The following THEMIS variants were observed in gnomAD, a reference collection of about 807,000 sequenced individuals.
THEMIS encodes the protein thymocyte selection associated.
Under a neutral mutation model 52.6 loss-of-function variants are expected in THEMIS, and 37 were observed. The observed-to-expected ratio is 0.70, with a 90% CI of 0.54 to 0.93. The LOEUF (loss-of-function observed/expected upper bound fraction) is 0.93, where lower values mean the gene tolerates loss of function less well. Ranked by LOEUF, THEMIS falls within the 40% of genes least tolerant of loss-of-function variation. The pLI, the probability that THEMIS is intolerant of heterozygous loss-of-function variation, is 0.00. For synonymous variants in THEMIS, 292 were observed against 272.7 expected (o/e 1.07, Z -0.70); for missense variants, 808 against 763.1 (o/e 1.06, Z -0.69).
intron 4 of THEMIS, among the ~76,000 whole-genome samples, chr6:127,806,231 C>A (rs1354083529): frequency 6.6e-6 from 1 of 152,094 alleles, no homozygotes; most frequent in Non-Finnish European, 1.5e-5. Context: ...GGCCAGAAAT[C>A]TAGTGCAAAA....
chr6:127,747,443 A>T (rs1366619221), intron 4 of THEMIS, among the ~76,000 whole-genome samples: 2 of 148,622 alleles, frequency 1.3e-5, no homozygotes, highest in Non-Finnish European at 3.0e-5. Flanking sequence ...TATTTACAAC[A>T]TATCTATAAA....
intron 3 of THEMIS, among the ~76,000 whole-genome samples, chr6:127,824,489 C>A (rs1778437486): frequency 6.6e-6 from 1 of 151,926 alleles, no homozygotes; most frequent in African/African-American, 2.4e-5. Flanking sequence ...AGAAACAGTG[C>A]CTTACTTGTA....
At chr6:127,704,605 C>T (rs968070609), downstream of THEMIS, among the ~76,000 whole-genome samples, 1 of 152,180 alleles carries the variant, frequency 6.6e-6, no homozygotes, top group African/African-American at 2.4e-5. Context: ...ATTGTATAAT[C>T]ATATGACTGA....
chr6:127,718,799 A>G (rs1277290851), intron 5 of THEMIS, among the ~76,000 whole-genome samples: 1 of 151,908 alleles, frequency 6.6e-6, no homozygotes. Flanking sequence ...AAAAGGTAAT[A>G]AGAAAAGCTC....
chr6:127,739,149 G>T (rs1466509075), intron 4 of THEMIS, among the ~76,000 whole-genome samples: 1 of 151,934 alleles, frequency 6.6e-6, no homozygotes, highest in Non-Finnish European at 1.5e-5. Flanking sequence ...ACCACTCCAT[G>T]ACAAACACCC....
intron 4 of THEMIS, among the ~76,000 whole-genome samples, chr6:127,806,487 C>T (rs1455056992): frequency 3.3e-5 from 5 of 151,996 alleles, no homozygotes; most frequent in Non-Finnish European, 7.4e-5. Flanking sequence ...TCAGAGAGGG[C>T]CAAAATTTTA....
intron 2 of THEMIS, among the ~76,000 whole-genome samples, chr6:127,854,442 T>C (rs919598624): frequency 6.6e-6 from 1 of 151,736 alleles, no homozygotes; most frequent in African/African-American, 2.4e-5. Flanking sequence ...TCCAGTGAGG[T>C]GTATGTTATG....
At chr6:127,736,566 C>A (rs1775013241) in intron 4 of THEMIS, among the ~76,000 whole-genome samples, 1 of 152,114 alleles carries the variant, frequency 6.6e-6, no homozygotes, top group African/African-American at 2.4e-5. Flanking sequence ...CTAGCATTAT[C>A]ATTTGCCAAG....
rs1780128265 is a variant in THEMIS at position 127,870,597 on chromosome 6, C to G, written c.92-15409G>C. Among the ~76,000 whole-genome samples the G allele has an allele frequency of 2.0e-5, 3 of 151,940 alleles. No individual in the cohort carries two copies. In the South Asian group the frequency reaches 6.2e-4, roughly 32 times the overall value. On this transcript the variant is annotated intron_variant, in intron 1 of 5. Coordinates refer to ENST00000368248, the MANE Select transcript of THEMIS (RefSeq NM_001010923.3). Reference sequence around the variant, plus strand: ...AACATAACCCAAAGACATGCTATGACTCACTTCAAATGAAATAGGTAGATT... The same window carrying G: ...AACATAACCCAAAGACATGCTATGAGTCACTTCAAATGAAATAGGTAGATT...
intron 1 of THEMIS, among the ~76,000 whole-genome samples, chr6:127,916,990 A>G (rs956690913): frequency 2.0e-5 from 3 of 152,250 alleles, no homozygotes; most frequent in African/African-American, 7.2e-5. Context: ...AAACTTCAAG[A>G]TTAGGACTAG....
intron 1 of THEMIS, among the ~76,000 whole-genome samples, chr6:127,864,624 G>C (rs1281687512): frequency 6.6e-6 from 1 of 152,088 alleles, no homozygotes; most frequent in Non-Finnish European, 1.5e-5. Context: ...TCAGATTCAG[G>C]AAGCGGTCAC....
At chr6:127,798,815 C>T (rs1360106352) in intron 4 of THEMIS, among the ~76,000 whole-genome samples, 1 of 151,436 alleles carries the variant, frequency 6.6e-6, no homozygotes, top group Non-Finnish European at 1.5e-5. Context: ...ACGGTGAAAC[C>T]CTGTCTCTAC....
chr6:127,843,613 G>T (rs1307795977), intron 2 of THEMIS, among the ~76,000 whole-genome samples: 10 of 151,968 alleles, frequency 6.6e-5, no homozygotes, highest in Admixed American at 6.6e-4. Flanking sequence ...AAAGATATCT[G>T]TGCTAGGTAG....
At chr6:127,834,174 G>A (rs1048641347) in intron 2 of THEMIS, among the ~76,000 whole-genome samples, 5 of 152,104 alleles carry the variant, frequency 3.3e-5, no homozygotes, top group African/African-American at 9.7e-5. Flanking sequence ...TGAGTATTTG[G>A]GAGGGCAGAA....
chr6:127,721,363 C>T (rs1018240831), intron 4 of THEMIS, among the ~76,000 whole-genome samples: 2 of 151,988 alleles, frequency 1.3e-5, no homozygotes, highest in Non-Finnish European at 2.9e-5. Flanking sequence ...ATTCAACCAC[C>T]GTCTATCTAT....
At chr6:127,730,338 A>AAAGAAAAGAG (rs1774740074) in intron 4 of THEMIS, among the ~76,000 whole-genome samples, 1 of 150,838 alleles carries the variant, frequency 6.6e-6, no homozygotes, top group Non-Finnish European at 1.5e-5. Flanking sequence ...AAAGAAAAGA[A>AAAGAAAAGAG]AAGAAGAGAA....
At chr6:127,916,854 G>A (rs1781537887) in intron 1 of THEMIS, among the ~76,000 whole-genome samples, 1 of 152,212 alleles carries the variant, frequency 6.6e-6, no homozygotes, top group Admixed American at 6.5e-5. Context: ...CAGAGGACAA[G>A]CTATTAGGCT....
intron 2 of THEMIS, among the ~76,000 whole-genome samples, chr6:127,832,426 C>T (rs942750652): frequency 2.6e-5 from 4 of 152,140 alleles, no homozygotes; most frequent in African/African-American, 9.7e-5. Flanking sequence ...CCAAATCATT[C>T]CTTTTTAAAA....
chr6:127,812,032 T>C (rs1235216679), intron 4 of THEMIS, among the ~76,000 whole-genome samples: 2 of 152,242 alleles, frequency 1.3e-5, no homozygotes, highest in South Asian at 2.1e-4. Context: ...ACACAGCCTC[T>C]CTTTGTTTTA....
Sources: gnomAD v4.1 joint callset for allele counts (sites outside exome capture counted in the v4.1 genomes callset) on GRCh38, gnomAD v4.1.1 for gene constraint, MANE v1.5 for transcripts, NCBI Gene and HGNC (gene_info 2026-07-23, HGNC 2026-07-21) for gene names.